TTN: variants seen among roughly 807,000 people sequenced by gnomAD.
TTN encodes the protein titin.
Under a neutral mutation model 3,223.0 loss-of-function variants are expected in TTN, and 1,525 were observed. That is an observed-to-expected ratio of 0.47 (90% confidence interval 0.45 to 0.49). The LOEUF is 0.49. TTN is among the 20% of genes least tolerant of loss of function. The pLI, the probability that TTN is intolerant of heterozygous loss-of-function variation, is 0.00. For missense variants in TTN, 40,786 were observed against 43,424.0 expected (o/e 0.94, Z 5.40); for synonymous variants, 14,094 against 15,161.0 (o/e 0.93, Z 5.17).
chr2:178,576,669 G>A lies in TTN; in HGVS notation c.69575C>T (p.Thr23192Ile), dbSNP rs1319888327. The change falls in exon 325 of 363, where the codon ACA (threonine) becomes ATA (isoleucine). Residue 23192 changes from threonine (T) to isoleucine (I), a missense_variant. By Grantham distance (89) the Thr-to-Ile change is moderately conservative (BLOSUM62 -1). Coordinates refer to ENST00000589042, the MANE Select transcript of TTN (RefSeq NM_001267550.2). This position sits in a 1 kb window ranked among gnomAD's most constrained non-coding sequence, Gnocchi z 4.3. Reference protein sequence around the residue: ...KSLRWVRAIKTPVSDLRCKVT... With the variant: ...KSLRWVRAIKIPVSDLRCKVT... ...TTTGCACCTGAGATCGGAAACTGGT[G>A]TTTTTATTGCTCTCACCCATCGCAG... 3.7e-6 allele frequency: 6 copies of A among 1,613,422 alleles called. No homozygotes were observed. In the African/African-American group the frequency reaches 6.7e-5, roughly 18 times the overall value.
At chr2:178,650,330 AACAC>A (rs2062732210) in intron 209 of TTN, 59 bp from the exon 210 acceptor site, 1 of 1,358,792 alleles carries the variant, frequency 7.4e-7, no homozygotes, top group Non-Finnish European at 1.0e-6. Flanking sequence ...AAGATGGACA[AACAC>A]TAAACACGAT....
At chr2:178,695,489 GGTAAGGATA>G in intron 114 of TTN, 79 bp from the exon 115 acceptor site, 1 of 1,108,558 alleles carries the variant, frequency 9.0e-7, no homozygotes, top group Non-Finnish European at 1.4e-6. Context: ...AATGAGATAA[GGTAAGGATA>G]ATATATAATC....
rs773517299 is a variant in TTN at position 178,784,036 on chromosome 2, T to C, written c.2775+34A>G. 3.4e-5 allele frequency: 55 copies of C among 1,611,212 alleles called. No individual in the cohort carries two copies. The Middle Eastern group carries it at 6.6e-4, about 19-fold the overall frequency. ...ACCACCTGGCCCTGCTCAATGGGAGTGGACCATGTAACAGCGGGTAACCAG... is the reference window on the plus strand; with the variant it reads ...ACCACCTGGCCCTGCTCAATGGGAGCGGACCATGTAACAGCGGGTAACCAG... On this transcript the variant is annotated intron_variant, in intron 16 of 362. Coordinates refer to ENST00000589042, the MANE Select transcript of TTN (RefSeq NM_001267550.2).
chr2:178,552,218 G>A lies in TTN; in HGVS notation c.90682C>T (p.Pro30228Ser). The change falls in exon 335 of 363, where the codon CCC becomes TCC. Residue 30228 changes from proline (P) to serine (S), a missense_variant. Physicochemically the swap from Pro to Ser is moderately conservative, Grantham distance 74 (BLOSUM62 -1). Transcript: ENST00000589042. ...TCATCAAATCGAATGGGTCCTTTGGGCTTTGATGGTGGGCCAAGGGTGATG... is the reference window on the plus strand; with the variant it reads ...TCATCAAATCGAATGGGTCCTTTGGACTTTGATGGTGGGCCAAGGGTGATG... Reference protein sequence around the residue: ...TVITLGPPSKPKGPIRFDEIK... With the variant: ...TVITLGPPSKSKGPIRFDEIK... 2 of 1,613,420 alleles carry A rather than the reference G, an allele frequency of 1.2e-6. No individual in the cohort carries two copies. Among genetic ancestry groups the A allele is most frequent in the Non-Finnish European group, 1.7e-6 (2 of 1,179,626 alleles).
At chr2:178,669,307 G>T in intron 159 of TTN, 66 bp downstream of exon 159, 2 of 1,322,090 alleles carry the variant, frequency 1.5e-6, no homozygotes, top group South Asian at 2.7e-5. Context: ...AAGCTAAAAA[G>T]ACAAACATAG....
rs1316147822 is a variant in TTN, at chr2:178,559,514, C to T, written c.86618G>A (p.Gly28873Asp). The change falls in exon 326 of 363, where the codon GGT becomes GAT. Residue 28873 changes from glycine to aspartate, a missense_variant. Transcript: ENST00000589042. ...VLSWDVPENDGGAPVKNYHIE... is the reference protein window; with the variant it reads ...VLSWDVPENDDGAPVKNYHIE... The stretch of plus-strand genomic sequence containing the variant: ...GTGGTAATTCTTCACTGGTGCTCCA[C>T]CATCGTTTTCAGGAACATCCCAGGA... 1 of 1,613,780 alleles carries T rather than the reference C, an allele frequency of 6.2e-7. No individual in the cohort carries two copies. Among genetic ancestry groups the T allele is most frequent in the South Asian group, 1.1e-5 (1 of 91,078 alleles).
rs1446556852 is a variant in TTN at position 178,773,586 on chromosome 2, A to C, written c.7470T>G (p.Arg2490=). The change falls in exon 32 of 363, where the codon CGT becomes CGG. Residue 2490 remains arginine (R), a synonymous_variant. Coordinates refer to ENST00000589042, the MANE Select transcript of TTN (RefSeq NM_001267550.2). ...LNDEQIKPDD[R]VQAIVKGTKQ... ...TAGTACCTTTCACAATGGCCTGTAC[A>C]CGGTCATCAGGCTTGATTTGTTCAT... The C allele has an allele frequency of 6.2e-7, 1 of 1,613,972 alleles. No individual in the cohort carries two copies. Among genetic ancestry groups the C allele is most frequent in the Non-Finnish European group, 8.5e-7 (1 of 1,179,972 alleles).
At chr2:178,746,295 G>A (rs1560967864) in intron 47 of TTN, 1 of 1,612,284 alleles carries the variant, frequency 6.2e-7, no homozygotes, top group Non-Finnish European at 8.5e-7. Context: ...TCAATTTTTA[G>A]TTCTTTGTCT....
At chr2:178,640,133 G>A (rs2061036556) in intron 221 of TTN, 23 bp from the exon 222 acceptor site, 1 of 1,606,434 alleles carries the variant, frequency 6.2e-7, no homozygotes, top group African/African-American at 1.3e-5. Context: ...AGAGTAGAGG[G>A]CAGATTATTA....
Position 178,618,648 on chromosome 2 carries a change from C to A in TTN, c.46902G>T (p.Arg15634Ser). Residue 15634 changes from arginine to serine, a missense_variant, in exon 251 of 363, where the codon AGG becomes AGT. Physicochemically the swap from Arg to Ser is moderately radical, Grantham distance 110. Transcript: ENST00000589042. ...GTTTGTTCTGAAGCACAATTTTATACCTCCCTTTGTCTCCTTTCTTGGCTT... is the reference window on the plus strand; with the variant it reads ...GTTTGTTCTGAAGCACAATTTTATAACTCCCTTTGTCTCCTTTCTTGGCTT... Reference protein sequence around the residue: ...ILEAKKGDKGRYKIVLQNKHG... With the variant: ...ILEAKKGDKGSYKIVLQNKHG... 1 of 1,612,402 alleles carries A rather than the reference C, an allele frequency of 6.2e-7. No individual in the cohort carries two copies. Among genetic ancestry groups the A allele is most frequent in the Non-Finnish European group, 8.5e-7 (1 of 1,179,030 alleles).
intron 311 of TTN, 95 bp from the exon 312 acceptor site, chr2:178,584,001 C>A: frequency 7.6e-7 from 1 of 1,308,922 alleles, no homozygotes; most frequent in Non-Finnish European, 1.0e-6. Context: ...AAGTAACAAG[C>A]TCAACAGGAA....
chr2:178,610,175 G>A lies in TTN; in HGVS notation c.51351C>T (p.Tyr17117=), dbSNP rs2055975581. The change falls in exon 271 of 363, where the codon TAC becomes TAT. Residue 17117 remains tyrosine (Y), a synonymous_variant. Coordinates refer to ENST00000589042, the MANE Select transcript of TTN (RefSeq NM_001267550.2). ...TVKDLIPNGE[Y]FFRVKAVNKV... The stretch of plus-strand genomic sequence containing the variant: ...TGTTGACTGCTTTAACACGGAAGAA[G>A]TATTCACCATTTGGTATGAGATCCT... 6 of 1,612,860 alleles carry A rather than the reference G, an allele frequency of 3.7e-6. No individual in the cohort carries two copies. Among genetic ancestry groups the A allele is most frequent in the African/African-American group, 1.3e-5 (1 of 74,816 alleles).
intron 354 of TTN, 27 bp downstream of exon 354, chr2:178,538,513 A>C: frequency 1.3e-6 from 2 of 1,579,320 alleles, no homozygotes; most frequent in Admixed American, 1.7e-5. Flanking sequence ...TTTGTAAATC[A>C]TAAGTAGAGA....
chr2:178,701,463 C>T (rs1457904521), intron 110 of TTN, 65 bp downstream of exon 110: 42 of 1,525,318 alleles, frequency 2.8e-5, no homozygotes, highest in Non-Finnish European at 3.7e-5. Flanking sequence ...TATAAAATTT[C>T]GTACAGATTC....
At chr2:178,781,847 T>G (rs1275727728) in intron 20 of TTN, among the ~76,000 whole-genome samples, 1 of 152,166 alleles carries the variant, frequency 6.6e-6, no homozygotes, top group Admixed American at 6.6e-5. Context: ...TTCTTCTATC[T>G]TTTAGTCACT....
At position 178,697,155 on chromosome 2, in the gene TTN, CT is replaced by C; in HGVS notation, c.30767del (p.Lys10256SerfsTer8). On this transcript the variant is annotated frameshift_variant, in exon 113 of 363. Coordinates refer to ENST00000589042, the MANE Select transcript of TTN (RefSeq NM_001267550.2). LOFTEE classifies it high-confidence loss of function. ...GAATTAAGGTAGTAGGAGGTGGAGG[CT>C]TCTTGACAATCTCTGGGAGTTTAAA... ...EMTPREEIVK[K>X]PPPPTTLIPA... 6.5e-7 allele frequency: 1 copy of C among 1,544,198 alleles called. No homozygotes were observed. The highest frequency in any genetic ancestry group is 2.0e-5 in the Admixed American group (1 of 50,052).
chr2:178,594,980 G>T (rs2051138536), intron 295 of TTN, among the ~76,000 whole-genome samples: 1 of 152,048 alleles, frequency 6.6e-6, no homozygotes, highest in Non-Finnish European at 1.5e-5. Flanking sequence ...GTGAGGTATA[G>T]ATGGAAGAAA....
In TTN at chr2:178,701,168, A is replaced by G; in HGVS notation, c.30634T>C (p.Leu10212=). 6.2e-7 allele frequency: 1 copy of G among 1,613,786 alleles called. No homozygotes were observed. Among genetic ancestry groups the G allele is most frequent in the Non-Finnish European group, 8.5e-7 (1 of 1,179,786 alleles). ...TTCTTTTCTTCGGGTGTTGGTAGCA[A>G]AAGGGGGATAGGAGGAGCAACCACA... The part of the protein sequence containing the change: ...PPVVAPPIPL[L]LPTPEEKKPP... The change falls in exon 111 of 363, where the codon TTG becomes CTG. Residue 10212 remains leucine (L), a synonymous_variant. Coordinates refer to ENST00000589042, the MANE Select transcript of TTN (RefSeq NM_001267550.2).
At chr2:178,583,347 A>C (rs575798919) in intron 312 of TTN, 120 bp from the exon 313 acceptor site, 17 of 1,051,026 alleles carry the variant, frequency 1.6e-5, no homozygotes, top group Non-Finnish European at 2.1e-5. Flanking sequence ...GTGTTATTTC[A>C]TTTTGTTTAT....
Sources: allele counts gnomAD v4.1 joint callset (sites outside exome capture counted in the v4.1 genomes callset), GRCh38; gene constraint gnomAD v4.1.1; non-coding constraint Gnocchi (gnomAD v3.1); transcripts MANE v1.5; gene names NCBI Gene and HGNC (gene_info 2026-07-23, HGNC 2026-07-21).